LRRC4C: variants seen among roughly 807,000 people sequenced by gnomAD.
The protein encoded by LRRC4C is leucine-rich repeat-containing protein 4C.
In LRRC4C, 5 loss-of-function variants were observed where a neutral mutation model predicts 33.6. The observed-to-expected ratio is 0.15, with a 90% CI of 0.08 to 0.31. The LOEUF is 0.31. Ranked by LOEUF, LRRC4C falls within the 10% of genes least tolerant of loss-of-function variation. LRRC4C has a pLI of 1.00. For missense variants in LRRC4C, 560 were observed against 796.7 expected, an observed-to-expected ratio of 0.70 and a Z score of 3.58; for synonymous variants, 329 against 302.0, an observed-to-expected ratio of 1.09 and a Z score of -0.93.
chr11:41,191,274 T>A (rs550294920), intron 1 of LRRC4C, among the ~76,000 whole-genome samples: 1 of 152,282 alleles, frequency 6.6e-6, no homozygotes, highest in African/African-American at 2.4e-5. Flanking sequence ...GCAAAGATAA[T>A]CTACATCAAG....
At chr11:41,103,059 A>T (rs910917325) in intron 1 of LRRC4C, among the ~76,000 whole-genome samples, 11 of 152,076 alleles carry the variant, frequency 7.2e-5, no homozygotes, top group East Asian at 1.9e-4. Context: ...TTTATTTTTT[A>T]AAAAAAGCAT....
intron 6 of LRRC4C, among the ~76,000 whole-genome samples, chr11:40,118,820 A>G (rs1038719907): frequency 5.3e-5 from 8 of 152,152 alleles, no homozygotes; most frequent in African/African-American, 1.9e-4. Context: ...TGCAGGCAAC[A>G]TGTTTTGTTT....
intron 2 of LRRC4C, among the ~76,000 whole-genome samples, chr11:40,848,102 G>A (rs1953284654): frequency 6.7e-6 from 1 of 149,532 alleles, no homozygotes; most frequent in East Asian, 2.0e-4. Context: ...TTTAAAAAAA[G>A]CCCCTGGATT....
chr11:41,328,475 G>A (rs946475868), intron 1 of LRRC4C, among the ~76,000 whole-genome samples: 7 of 151,930 alleles, frequency 4.6e-5, no homozygotes, highest in Non-Finnish European at 7.4e-5. Flanking sequence ...TGGGTTAAGG[G>A]CATACTCCAG....
At chr11:40,943,069 C>T (rs956593952) in intron 1 of LRRC4C, among the ~76,000 whole-genome samples, 5 of 150,118 alleles carry the variant, frequency 3.3e-5, no homozygotes, top group Admixed American at 6.6e-5. Flanking sequence ...ATATTTTTCA[C>T]GAACCTCAGT....
At chr11:41,446,035 T>TA (rs750771096) in intron 1 of LRRC4C, among the ~76,000 whole-genome samples, 2 of 152,062 alleles carry the variant, frequency 1.3e-5, no homozygotes, top group Non-Finnish European at 2.9e-5. Context: ...ATTTGTTGAA[T>TA]AAAAAAATGA....
chr11:40,194,057 C>T (rs981604438), intron 5 of LRRC4C, among the ~76,000 whole-genome samples: 2 of 152,130 alleles, frequency 1.3e-5, no homozygotes, highest in African/African-American at 4.8e-5. Context: ...AGGAGCACTT[C>T]CCCTACCTAG....
chr11:40,925,724 T>A (rs545382046), intron 2 of LRRC4C, among the ~76,000 whole-genome samples: 37 of 152,308 alleles, frequency 2.4e-4, no homozygotes, highest in African/African-American at 7.7e-4. Flanking sequence ...TGAGTCCCCA[T>A]GGTAAAAATT....
intron 1 of LRRC4C, among the ~76,000 whole-genome samples, chr11:41,055,609 G>A (rs1858561529): frequency 6.6e-6 from 1 of 152,078 alleles, no homozygotes; most frequent in African/African-American, 2.4e-5. Flanking sequence ...ATCAACTCTT[G>A]TTGCATCCAG....
At chr11:40,236,597 G>A (rs539579930) in intron 5 of LRRC4C, among the ~76,000 whole-genome samples, 3 of 152,162 alleles carry the variant, frequency 2.0e-5, no homozygotes, top group African/African-American at 4.8e-5. Flanking sequence ...ATAGTGTGTC[G>A]CTTCTAGGGA....
chr11:40,966,888 C>T (rs1851401567), intron 1 of LRRC4C, among the ~76,000 whole-genome samples: 1 of 151,878 alleles, frequency 6.6e-6, no homozygotes, highest in Admixed American at 6.6e-5. Context: ...TGAGTCATAC[C>T]TTGTCATGCT....
intron 1 of LRRC4C, among the ~76,000 whole-genome samples, chr11:41,427,051 A>G (rs1321646336): frequency 6.6e-6 from 1 of 152,180 alleles, no homozygotes; most frequent in Admixed American, 6.5e-5. Flanking sequence ...GAAGGAAAAT[A>G]TATCTTATCT....
At chr11:40,665,470 TG>T (rs1333557605) in intron 2 of LRRC4C, among the ~76,000 whole-genome samples, 1 of 149,710 alleles carries the variant, frequency 6.7e-6, no homozygotes, top group African/African-American at 2.5e-5. Context: ...ATTTCTATTG[TG>T]TTATAAGGCT....
chr11:40,683,211 T>A (rs1301713122), intron 2 of LRRC4C, among the ~76,000 whole-genome samples: 1 of 152,170 alleles, frequency 6.6e-6, no homozygotes, highest in Admixed American at 6.6e-5. Context: ...GCTGCCCTCT[T>A]GCTGGGGACC....
intron 3 of LRRC4C, among the ~76,000 whole-genome samples, chr11:40,441,424 C>T (rs1951389656): frequency 1.3e-5 from 2 of 152,206 alleles, no homozygotes; most frequent in African/African-American, 4.8e-5. Flanking sequence ...GTACGATTCG[C>T]TGTAACTAAG....
At chr11:40,823,105 G>A (rs915237694) in intron 2 of LRRC4C, among the ~76,000 whole-genome samples, 2 of 151,762 alleles carry the variant, frequency 1.3e-5, no homozygotes, top group African/African-American at 4.8e-5. Context: ...ATTTTCAAAA[G>A]ATAGTGCTTG....
At chr11:40,554,023 G>A (rs748444043) in intron 3 of LRRC4C, among the ~76,000 whole-genome samples, 12 of 152,144 alleles carry the variant, frequency 7.9e-5, no homozygotes, top group African/African-American at 1.2e-4. Context: ...CTTTGCTGAT[G>A]TTCTGAAGAG....
intron 1 of LRRC4C, among the ~76,000 whole-genome samples, chr11:41,131,039 C>A (rs1411065188): frequency 6.6e-6 from 1 of 151,856 alleles, no homozygotes; most frequent in East Asian, 1.9e-4. Flanking sequence ...GTTTTAGAAA[C>A]AAAAGCAAAT....
chr11:41,239,116 C>T (rs375954379), intron 1 of LRRC4C, among the ~76,000 whole-genome samples: 1 of 144,700 alleles, frequency 6.9e-6, no homozygotes, highest in South Asian at 2.2e-4. Flanking sequence ...GAGATCGAGA[C>T]TATCCTGGCC....
Sources: allele counts gnomAD v4.1 joint callset (sites outside exome capture counted in the v4.1 genomes callset), GRCh38; gene constraint gnomAD v4.1.1; transcripts MANE v1.5; gene names NCBI Gene and HGNC (gene_info 2026-07-23, HGNC 2026-07-21).